The following IRF2BP1 variants were observed in gnomAD, a reference collection of about 807,000 sequenced individuals.
IRF2BP1 encodes the protein interferon regulatory factor 2 binding protein 1, also known as interferon regulatory factor 2-binding protein 1.
IRF2BP1 carries 9 observed loss-of-function variants against 38.6 expected under a neutral mutation model. That is an observed-to-expected ratio of 0.23 (90% CI 0.14 to 0.41). IRF2BP1 has a LOEUF of 0.41. Among genes scored for constraint, IRF2BP1 ranks in the 10% least tolerant of loss-of-function variants. IRF2BP1 has a pLI of 1.00. For missense variants in IRF2BP1, 631 were observed against 829.6 expected (o/e 0.76, Z 2.94); for synonymous variants, 416 against 383.4 (o/e 1.08, Z -0.99).
rs768681350 is a variant in IRF2BP1, at chr19:45,884,373, G to T, written c.1402C>A (p.Leu468Ile). 8.1e-6 allele frequency: 13 copies of T among 1,606,670 alleles called. No individual in the cohort carries two copies. Among genetic ancestry groups the T allele is most frequent in the Non-Finnish European group, 1.1e-5 (13 of 1,178,962 alleles). The change falls in exon 1 of 1, where the codon CTT becomes ATT. Residue 468 changes from leucine (L) to isoleucine (I), a missense_variant. Transcript: ENST00000302165. ...TCTGCTTCGCCGTTGCGGGCCACAA[G>T]GCGATGCTGGGTTGGCGGCTGGGCC... Reference protein sequence around the residue: ...STAQPPTQHRLVARNGEAEVS... With the variant: ...STAQPPTQHRIVARNGEAEVS...
chr19:45,883,878 C>T lies in IRF2BP1; in HGVS notation c.*142G>A. 1.3e-6 allele frequency: 1 copy of T among 780,382 alleles called. No homozygotes were observed. The highest frequency in any genetic ancestry group is 1.9e-6 in the Non-Finnish European group (1 of 517,558). The allele number at this position is 780,382 out of a possible 1,614,324, so 48.3% of individuals were successfully genotyped here. A position where few individuals can be genotyped will look rare whatever the true frequency, so the allele number is the denominator to read the frequency against. ...TCCCCCCACCCACAATGCATCTACC[C>T]CAGGGGACCCATCTGGGTGGAAGAA... On this transcript the variant is annotated 3_prime_UTR_variant, in exon 1 of 1. Coordinates refer to ENST00000302165, the MANE Select transcript of IRF2BP1 (RefSeq NM_015649.3).
chr19:45,885,918 CG>C lies in IRF2BP1; in HGVS notation c.-145del, dbSNP rs1967050206. The C allele has an allele frequency of 1.1e-6, 1 of 952,232 alleles. No individual in the cohort carries two copies. Among genetic ancestry groups the C allele is most frequent in the Non-Finnish European group, 1.4e-6 (1 of 695,086 alleles). 59.0% of individuals were successfully genotyped at this position (952,232 alleles called of 1,614,324 possible). ...TCGGCCTCCCCGCCGGATCCAGGCC[CG>C]GCCCCCCTTCCCCGCCCCCTGGGCC... On this transcript the variant is annotated 5_prime_UTR_variant, in exon 1 of 1. Coordinates refer to ENST00000302165, the MANE Select transcript of IRF2BP1 (RefSeq NM_015649.3).
In IRF2BP1 at chr19:45,885,358, C is replaced by A; in HGVS notation, c.417G>T (p.Gly139=). Residue 139 remains glycine (G), a synonymous_variant, in exon 1 of 1, where the codon GGG becomes GGT. Coordinates refer to ENST00000302165, the MANE Select transcript of IRF2BP1 (RefSeq NM_015649.3). ...CAGCCACGGCCTCCTCACGGCCCAG[C>A]CCATTGGCCAGGCGGGACCCCAGAG... ...EYTLGSRLAN[G]LGREEAVAEG... 1 of 1,608,780 alleles carries A rather than the reference C, an allele frequency of 6.2e-7. No homozygotes were observed. The highest frequency in any genetic ancestry group is 8.5e-7 in the Non-Finnish European group (1 of 1,179,594).
In IRF2BP1 at chr19:45,885,486, G is replaced by C; in HGVS notation, c.289C>G (p.Pro97Ala). The change falls in exon 1 of 1, where the codon CCC (proline) becomes GCC (alanine). Residue 97 changes from proline (P) to alanine (A), a missense_variant. Around this residue, in one of 5 missense-constraint regions of IRF2BP1, gnomAD observed 206 missense variants for 207.0 expected, o/e 1.00. Coordinates refer to ENST00000302165, the MANE Select transcript of IRF2BP1 (RefSeq NM_015649.3). ...CCGCCGCCGGTCCCTGACGGCTGGG[G>C]CTGGGCCTGCGGGGGCGGCAGCTGG... ...GPQLPPPQAQ[P>A]QPSGTGGGVS... 2 of 1,456,796 alleles carry C rather than the reference G, an allele frequency of 1.4e-6. No individual in the cohort carries two copies. Among genetic ancestry groups the C allele is most frequent in the Non-Finnish European group, 1.8e-6 (2 of 1,111,846 alleles). 90.2% of individuals were successfully genotyped at this position (1,456,796 alleles called of 1,614,324 possible).
At position 45,883,843 on chromosome 19, in the gene IRF2BP1, A is replaced by T; in HGVS notation, c.*177T>A. 1.8e-6 allele frequency: 1 copy of T among 559,806 alleles called. No homozygotes were observed. Among genetic ancestry groups the T allele is most frequent in the Non-Finnish European group, 3.0e-6 (1 of 332,398 alleles). The allele number at this position is 559,806 out of a possible 1,614,324, so 34.7% of individuals were successfully genotyped here. On this transcript the variant is annotated 3_prime_UTR_variant, in exon 1 of 1. Coordinates refer to ENST00000302165, the MANE Select transcript of IRF2BP1 (RefSeq NM_015649.3). ...CCAAACACCCCCTCGGACAGGAGCC[A>T]CAAGCTTTCTCCCCCCACCCACAAT... is the stretch of plus-strand genomic sequence containing the variant.
Position 45,884,291 on chromosome 19 carries a change from G to T in IRF2BP1, c.1484C>A (p.Ala495Glu). ...AVSGGGSGTG[A>E]TPGAPLCCTL... ...ACAGCACAGGGGGGCCCCAGGGGTC[G>T]CCCCAGTGCCGCTGCCACCCCCGCT... The change falls in exon 1 of 1, where the codon GCG (alanine) becomes GAG (glutamate). Residue 495 changes from alanine (A) to glutamate (E), a missense_variant. Ala to Glu is a moderately radical substitution (Grantham distance 107, BLOSUM62 -1). This residue lies in a region of IRF2BP1 where 201 missense variants were observed against 215.3 expected (regional missense o/e 0.93). Coordinates refer to ENST00000302165, the MANE Select transcript of IRF2BP1 (RefSeq NM_015649.3). 3.7e-6 allele frequency: 6 copies of T among 1,609,626 alleles called. No homozygotes were observed. Among genetic ancestry groups the T allele is most frequent in the Non-Finnish European group, 5.1e-6 (6 of 1,178,698 alleles).
In IRF2BP1 at chr19:45,885,479, G is replaced by C. The variant is rs570353973; in HGVS notation, c.296C>G (p.Pro99Arg). ...QLPPPQAQPQ[P>R]SGTGGGVSGQ... ...CGACACGCCGCCGCCGGTCCCTGACGGCTGGGGCTGGGCCTGCGGGGGCGG... is the reference window on the plus strand; with the variant it reads ...CGACACGCCGCCGCCGGTCCCTGACCGCTGGGGCTGGGCCTGCGGGGGCGG... The change falls in exon 1 of 1, where the codon CCG becomes CGG. Residue 99 changes from proline (P) to arginine (R), a missense_variant. Around this residue, in one of 5 missense-constraint regions of IRF2BP1, gnomAD observed 206 missense variants for 207.0 expected, o/e 1.00. Transcript: ENST00000302165. The C allele has an allele frequency of 6.1e-6, 9 of 1,471,334 alleles. No homozygotes were observed. Among genetic ancestry groups the C allele is most frequent in the South Asian group, 2.8e-5 (2 of 71,744 alleles). The allele number at this position is 1,471,334 out of a possible 1,614,324, so 91.1% of individuals were successfully genotyped here.
rs1427988991 is a variant in IRF2BP1, at chr19:45,885,966, C to T, written c.-192G>A. On this transcript the variant is annotated 5_prime_UTR_variant, in exon 1 of 1. Transcript: ENST00000302165. Reference sequence around the variant, plus strand: ...GGCCCTAAGCCTTTCTGCTCACTCCCGCCTCCCTCGCGAAGGCAGGCTGAG... The same window carrying T: ...GGCCCTAAGCCTTTCTGCTCACTCCTGCCTCCCTCGCGAAGGCAGGCTGAG... 8.3e-6 allele frequency: 5 copies of T among 601,736 alleles called. No individual in the cohort carries two copies. Among genetic ancestry groups the T allele is most frequent in the Admixed American group, 4.4e-5 (1 of 22,664 alleles). The allele number at this position is 601,736 out of a possible 1,614,324, so 37.3% of individuals were successfully genotyped here.
Position 45,884,086 on chromosome 19 carries a change from G to A in IRF2BP1, c.1689C>T (p.Phe563=), listed in dbSNP as rs11550348. The change falls in exon 1 of 1, where the codon TTC becomes TTT. Residue 563 remains phenylalanine, a synonymous_variant. Coordinates refer to ENST00000302165, the MANE Select transcript of IRF2BP1 (RefSeq NM_015649.3). ...GGATGGTGGCGATCTCGCCCTGCATGAAGGCCCAGGGCACGGAGGAGCCGA... is the reference window on the plus strand; with the variant it reads ...GGATGGTGGCGATCTCGCCCTGCATAAAGGCCCAGGGCACGGAGGAGCCGA... ...PLVGSSVPWA[F]MQGEIATILA... 199,932 of 1,609,606 alleles carry A rather than the reference G, an allele frequency of 0.12. 14,054 individuals carry two copies. The highest frequency in any genetic ancestry group is 0.29 in the African/African-American group (21,621 of 74,878).
At position 45,883,701 on chromosome 19, in the gene IRF2BP1, G is replaced by A; in HGVS notation, c.*319C>T. 1 of 303,194 alleles carries A rather than the reference G, an allele frequency of 3.3e-6. No individual in the cohort carries two copies. The highest frequency in any genetic ancestry group is 6.1e-6 in the Non-Finnish European group (1 of 163,696). 18.8% of individuals were successfully genotyped at this position (303,194 alleles called of 1,614,324 possible). A position where few individuals can be genotyped will look rare whatever the true frequency, so the allele number is the denominator to read the frequency against. On this transcript the variant is annotated 3_prime_UTR_variant, in exon 1 of 1. Coordinates refer to ENST00000302165, the MANE Select transcript of IRF2BP1 (RefSeq NM_015649.3). ...TAAATGCTTTTGCCTCGTTTATAAAGAGCGAGTTTTCAGGAGGTCCCTTCT... is the reference window on the plus strand; with the variant it reads ...TAAATGCTTTTGCCTCGTTTATAAAAAGCGAGTTTTCAGGAGGTCCCTTCT...
At position 45,884,363 on chromosome 19, in the gene IRF2BP1, C is replaced by T; in HGVS notation, c.1412G>A (p.Arg471His). Residue 471 changes from arginine to histidine, a missense_variant, in exon 1 of 1, where the codon CGC (arginine) becomes CAC (histidine). Transcript: ENST00000302165. ...QPPTQHRLVA[R>H]NGEAEVSPTA... Reference sequence around the variant, plus strand: ...GGGACTGACTTCTGCTTCGCCGTTGCGGGCCACAAGGCGATGCTGGGTTGG... The same window carrying T: ...GGGACTGACTTCTGCTTCGCCGTTGTGGGCCACAAGGCGATGCTGGGTTGG... 1.2e-6 allele frequency: 2 copies of T among 1,607,474 alleles called. No individual in the cohort carries two copies. The highest frequency in any genetic ancestry group is 2.2e-5 in the South Asian group (2 of 90,802).
At position 45,885,341 on chromosome 19, in the gene IRF2BP1, G is replaced by T; in HGVS notation, c.434C>A (p.Ala145Asp). The T allele has an allele frequency of 6.2e-7, 1 of 1,607,694 alleles. No homozygotes were observed. Residue 145 changes from alanine (A) to aspartate (D), a missense_variant, in exon 1 of 1, where the codon GCC (alanine) becomes GAC (aspartate). Transcript: ENST00000302165. ...GGCCCTTCGCGCCCCCTCAGCCACG[G>T]CCTCCTCACGGCCCAGCCCATTGGC... ...RLANGLGREE[A>D]VAEGARRALL...
chr19:45,885,561 G>A lies in IRF2BP1; in HGVS notation c.214C>T (p.Leu72Phe), dbSNP rs565507184. The change falls in exon 1 of 1, where the codon CTT (leucine) becomes TTT (phenylalanine). Residue 72 changes from leucine to phenylalanine, a missense_variant. Coordinates refer to ENST00000302165, the MANE Select transcript of IRF2BP1 (RefSeq NM_015649.3). ...PEGRSPGPPA[L>F]KHPATKDLAA... ...AGGTCCTTGGTGGCCGGGTGCTTAAGGGCCGGGGGCCCGGGCGAGCGGCCC... is the reference window on the plus strand; with the variant it reads ...AGGTCCTTGGTGGCCGGGTGCTTAAAGGCCGGGGGCCCGGGCGAGCGGCCC... 6.8e-7 allele frequency: 1 copy of A among 1,462,384 alleles called. No individual in the cohort carries two copies. Among genetic ancestry groups the A allele is most frequent in the Admixed American group, 2.4e-5 (1 of 41,334 alleles). The allele number at this position is 1,462,384 out of a possible 1,614,324, so 90.6% of individuals were successfully genotyped here.
Position 45,884,428 on chromosome 19 carries a change from T to C in IRF2BP1, c.1347A>G (p.Ala449=). The change falls in exon 1 of 1, where the codon GCA becomes GCG. Residue 449 remains alanine, a synonymous_variant. Coordinates refer to ENST00000302165, the MANE Select transcript of IRF2BP1 (RefSeq NM_015649.3). ...DPGGGGGPVR[A]GGASPAASST... ...AGGAGGCTGCAGGGCTGGCGCCCCC[T>C]GCACGCACAGGCCCCCCGCCTCCGC... The C allele has an allele frequency of 1.3e-6, 2 of 1,598,294 alleles. No individual in the cohort carries two copies. The highest frequency in any genetic ancestry group is 1.7e-6 in the Non-Finnish European group (2 of 1,177,660).
chr19:45,883,862 C>A lies in IRF2BP1; in HGVS notation c.*158G>T. 2 of 644,160 alleles carry A rather than the reference C, an allele frequency of 3.1e-6. No homozygotes were observed. The highest frequency in any genetic ancestry group is 2.5e-6 in the Non-Finnish European group (1 of 403,752). 39.9% of individuals were successfully genotyped at this position (644,160 alleles called of 1,614,324 possible). A position where few individuals can be genotyped will look rare whatever the true frequency, so the allele number is the denominator to read the frequency against. Reference sequence around the variant, plus strand: ...GGAGCCACAAGCTTTCTCCCCCCACCCACAATGCATCTACCCCAGGGGACC... The same window carrying A: ...GGAGCCACAAGCTTTCTCCCCCCACACACAATGCATCTACCCCAGGGGACC... On this transcript the variant is annotated 3_prime_UTR_variant, in exon 1 of 1. Coordinates refer to ENST00000302165, the MANE Select transcript of IRF2BP1 (RefSeq NM_015649.3).
rs1368669810 is a variant in IRF2BP1, at chr19:45,885,381, G to A, written c.394C>T (p.Leu132=). Residue 132 remains leucine, a synonymous_variant, in exon 1 of 1, where the codon CTG becomes TTG. Coordinates refer to ENST00000302165, the MANE Select transcript of IRF2BP1 (RefSeq NM_015649.3). ...PLPSPALEYT[L]GSRLANGLGR... ...AGCCCATTGGCCAGGCGGGACCCCA[G>A]AGTGTACTCCAGGGCGGGCGAGGGC... The A allele has an allele frequency of 6.2e-7, 1 of 1,608,442 alleles. No individual in the cohort carries two copies. The highest frequency in any genetic ancestry group is 2.2e-5 in the East Asian group (1 of 44,830).
chr19:45,885,605 C>A lies in IRF2BP1; in HGVS notation c.170G>T (p.Arg57Leu), dbSNP rs754358049. Reference sequence around the variant, plus strand: ...GCGGCCCTCGGGGAGCACGTGGCTGCGCTTGAGCTGGCGGGCGGCATCGAT... The same window carrying A: ...GCGGCCCTCGGGGAGCACGTGGCTGAGCTTGAGCTGGCGGGCGGCATCGAT... Reference protein sequence around the residue: ...LLIDAARQLKRSHVLPEGRSP... With the variant: ...LLIDAARQLKLSHVLPEGRSP... The change falls in exon 1 of 1, where the codon CGC (arginine) becomes CTC (leucine). Residue 57 changes from arginine to leucine, a missense_variant. Physicochemically the swap from Arg to Leu is moderately radical, Grantham distance 102 (BLOSUM62 -2). This residue lies in a region of IRF2BP1 where 206 missense variants were observed against 207.0 expected (regional missense o/e 1.00). Coordinates refer to ENST00000302165, the MANE Select transcript of IRF2BP1 (RefSeq NM_015649.3). The A allele has an allele frequency of 2.0e-6, 3 of 1,535,314 alleles. No individual in the cohort carries two copies. Among genetic ancestry groups the A allele is most frequent in the South Asian group, 1.2e-5 (1 of 83,592 alleles).
Position 45,884,277 on chromosome 19 carries a change from G to A in IRF2BP1, c.1498C>T (p.Pro500Ser). The change falls in exon 1 of 1, where the codon CCC becomes TCC. Residue 500 changes from proline (P) to serine (S), a missense_variant. Pro to Ser is a moderately conservative substitution (Grantham distance 74). Around this residue, in one of 5 missense-constraint regions of IRF2BP1, gnomAD observed 201 missense variants for 215.3 expected, o/e 0.93. Transcript: ENST00000302165. The part of the protein sequence containing the change: ...GSGTGATPGA[P>S]LCCTLCRERL... Reference sequence around the variant, plus strand: ...TCCCTGCACAGGGTACAGCACAGGGGGGCCCCAGGGGTCGCCCCAGTGCCG... The same window carrying A: ...TCCCTGCACAGGGTACAGCACAGGGAGGCCCCAGGGGTCGCCCCAGTGCCG... 6.2e-7 allele frequency: 1 copy of A among 1,609,906 alleles called. No homozygotes were observed. The highest frequency in any genetic ancestry group is 2.2e-5 in the East Asian group (1 of 44,836).
At position 45,885,880 on chromosome 19, in the gene IRF2BP1, T is replaced by C; in HGVS notation, c.-106A>G. ...GTCCCGGGGACAGCGCGAGCCACGG[T>C]CCGGCCTCCGGCTCGGCCTCCCCGC... is the stretch of plus-strand genomic sequence containing the variant. On this transcript the variant is annotated 5_prime_UTR_variant, in exon 1 of 1. Coordinates refer to ENST00000302165, the MANE Select transcript of IRF2BP1 (RefSeq NM_015649.3). 7.8e-7 allele frequency: 1 copy of C among 1,286,644 alleles called. No homozygotes were observed. Among genetic ancestry groups the C allele is most frequent in the Non-Finnish European group, 1.0e-6 (1 of 996,060 alleles). 79.7% of individuals were successfully genotyped at this position (1,286,644 alleles called of 1,614,324 possible).
Sources: gnomAD v4.1 joint callset for allele counts on GRCh38, gnomAD v4.1.1 for gene constraint, gnomAD v4.1.1 regional missense constraint, MANE v1.5 for transcripts, NCBI Gene and HGNC (gene_info 2026-07-23, HGNC 2026-07-21) for gene names.